CNTNAP2: variants seen among roughly 807,000 people sequenced by gnomAD.
The protein encoded by CNTNAP2 is contactin-associated protein-like 2.
In CNTNAP2, 98 loss-of-function variants were observed where a neutral mutation model predicts 155.2. The observed-to-expected ratio is 0.63, with a 90% CI of 0.54 to 0.75. The LOEUF (loss-of-function observed/expected upper bound fraction) is 0.75, where lower values mean the gene tolerates loss of function less well. Among genes scored for constraint, CNTNAP2 ranks in the 30% least tolerant of loss-of-function variants. The pLI is 0.00. For synonymous variants in CNTNAP2, 651 were observed against 631.2 expected (o/e 1.03, Z -0.47); for missense variants, 1,727 against 1,688.1 (o/e 1.02, Z -0.40).
intron 15 of CNTNAP2, among the ~76,000 whole-genome samples, chr7:148,064,336 A>G (rs763777492): frequency 1.3e-5 from 2 of 152,058 alleles, no homozygotes; most frequent in Admixed American, 6.5e-5. Context: ...TCATTTTGAC[A>G]ATATTTATTC....
chr7:147,580,441 T>C (rs1488064043), intron 12 of CNTNAP2, among the ~76,000 whole-genome samples: 1 of 152,152 alleles, frequency 6.6e-6, no homozygotes, highest in Non-Finnish European at 1.5e-5. Context: ...GATGAAAAAA[T>C]TGAGACTTAT....
chr7:147,367,697 C>G (rs1796258535), intron 9 of CNTNAP2, among the ~76,000 whole-genome samples: 1 of 152,136 alleles, frequency 6.6e-6, no homozygotes, highest in Admixed American at 6.5e-5. Flanking sequence ...CTAAGCCATT[C>G]CATCTCAGGA....
At chr7:146,759,278 G>T (rs879457900) in intron 1 of CNTNAP2, among the ~76,000 whole-genome samples, 7 of 152,054 alleles carry the variant, frequency 4.6e-5, no homozygotes, top group Non-Finnish European at 7.4e-5. Context: ...AGAATTCTTG[G>T]ACTTGACACT....
At chr7:146,941,147 A>G (rs1797047401) in intron 3 of CNTNAP2, among the ~76,000 whole-genome samples, 1 of 151,928 alleles carries the variant, frequency 6.6e-6, no homozygotes, top group Non-Finnish European at 1.5e-5. Context: ...ACTACACTAT[A>G]TTGTTCATTG....
At position 147,220,856 on chromosome 7, in the gene CNTNAP2, G is replaced by A. The variant is rs566586079; in HGVS notation, c.1349-79285G>A. On this transcript the variant is annotated intron_variant, in intron 8 of 23. Coordinates refer to ENST00000361727, the MANE Select transcript of CNTNAP2 (RefSeq NM_014141.6). ...AGCCTCCCGAGTAGCTGGGATTATA[G>A]GCATTCATCACCATGTCTGACTAAT... 2.6e-5 allele frequency among the ~76,000 whole-genome samples: 4 copies of A among 152,082 alleles called. No homozygotes were observed. The South Asian group carries it at 8.3e-4, about 32-fold the overall frequency.
chr7:146,385,966 C>T (rs1313902977), intron 1 of CNTNAP2, among the ~76,000 whole-genome samples: 2 of 152,054 alleles, frequency 1.3e-5, no homozygotes, highest in African/African-American at 4.8e-5. Flanking sequence ...ATATCACATA[C>T]AAGTAGTTTA....
chr7:146,202,448 A>G (rs1798880272), intron 1 of CNTNAP2, among the ~76,000 whole-genome samples: 1 of 152,190 alleles, frequency 6.6e-6, no homozygotes, highest in South Asian at 2.1e-4. Flanking sequence ...AATGTTAAAA[A>G]TGTTAAAAAA....
intron 3 of CNTNAP2, among the ~76,000 whole-genome samples, chr7:146,955,374 C>A (rs1797411109): frequency 6.6e-6 from 1 of 151,920 alleles, no homozygotes; most frequent in Non-Finnish European, 1.5e-5. Context: ...AGCACGAAGA[C>A]CTGCTTATAT....
chr7:146,882,247 T>C (rs1795566293), intron 3 of CNTNAP2, among the ~76,000 whole-genome samples: 1 of 152,112 alleles, frequency 6.6e-6, no homozygotes, highest in African/African-American at 2.4e-5. Flanking sequence ...GTCTTTGCTA[T>C]GGTGAATAGT....
chr7:146,886,845 G>C (rs1795674382), intron 3 of CNTNAP2, among the ~76,000 whole-genome samples: 1 of 150,872 alleles, frequency 6.6e-6, no homozygotes, highest in Non-Finnish European at 1.5e-5. Flanking sequence ...GTATTTGCTT[G>C]ACTAACACAA....
chr7:147,797,055 C>G (rs1374104360), intron 13 of CNTNAP2, among the ~76,000 whole-genome samples: 1 of 152,152 alleles, frequency 6.6e-6, no homozygotes, highest in African/African-American at 2.4e-5. Flanking sequence ...GGCTTATTCT[C>G]TGAGTGTCAG....
chr7:146,647,864 G>T (rs970761533), intron 1 of CNTNAP2, among the ~76,000 whole-genome samples: 2 of 152,094 alleles, frequency 1.3e-5, no homozygotes, highest in Non-Finnish European at 2.9e-5. Flanking sequence ...AAGGGTTCCC[G>T]TGTATAAAGA....
intron 13 of CNTNAP2, among the ~76,000 whole-genome samples, chr7:147,727,134 CAGAT>C (rs1216549168): frequency 2.6e-5 from 4 of 151,920 alleles, no homozygotes; most frequent in East Asian, 1.9e-4. Context: ...CAAAAGAAGA[CAGAT>C]AGCATCCTGA....
chr7:147,400,415 T>G (rs923182844), intron 10 of CNTNAP2, among the ~76,000 whole-genome samples: 6 of 152,216 alleles, frequency 3.9e-5, no homozygotes, highest in Non-Finnish European at 5.9e-5. Context: ...AATTATTGTT[T>G]GACCTGTTTT....
intron 1 of CNTNAP2, among the ~76,000 whole-genome samples, chr7:146,674,980 C>T (rs1016636668): frequency 6.6e-6 from 1 of 152,138 alleles, no homozygotes; most frequent in Non-Finnish European, 1.5e-5. Context: ...TTTGCTATTT[C>T]TAATTGCCTT....
intron 10 of CNTNAP2, among the ~76,000 whole-genome samples, chr7:147,410,144 A>G (rs11972582): frequency 0.037 from 5,576 of 152,298 alleles, 345 homozygotes; most frequent in African/African-American, 0.13. Flanking sequence ...AAGACATGGA[A>G]TCAACCTAAA....
chr7:146,946,262 G>A (rs1419856937), intron 3 of CNTNAP2, among the ~76,000 whole-genome samples: 2 of 151,898 alleles, frequency 1.3e-5, no homozygotes, highest in African/African-American at 4.8e-5. Flanking sequence ...CCAGACTAAG[G>A]AAGCCTCGGA....
chr7:147,562,285 A>C (rs1260960131), intron 12 of CNTNAP2, 28 bp downstream of exon 12: 2 of 1,612,830 alleles, frequency 1.2e-6, no homozygotes, highest in South Asian at 2.2e-5. Flanking sequence ...ATGTTTTATG[A>C]AGATGCTTTT....
At chr7:146,417,926 G>C (rs1795960412) in intron 1 of CNTNAP2, among the ~76,000 whole-genome samples, 1 of 139,422 alleles carries the variant, frequency 7.2e-6, no homozygotes, top group African/African-American at 3.1e-5. Flanking sequence ...ACACTAGGCT[G>C]TCAGGTGCCA....
Sources: gnomAD v4.1 joint callset for allele counts (sites outside exome capture counted in the v4.1 genomes callset) on GRCh38, gnomAD v4.1.1 for gene constraint, MANE v1.5 for transcripts, NCBI Gene and HGNC (gene_info 2026-07-23, HGNC 2026-07-21) for gene names.